Variants in USO1 observed in about 807,000 individuals in gnomAD.
The protein encoded by USO1 is USO1 vesicle transport factor.
USO1 carries 57 observed loss-of-function variants against 124.5 expected under a neutral mutation model. That is an observed-to-expected ratio of 0.46 (90% confidence interval 0.37 to 0.57). USO1 has a LOEUF of 0.57. USO1 is among the 20% of genes least tolerant of loss of function. The probability of loss-of-function intolerance (pLI) is 0.00; values close to 1 mark genes in which losing one functional copy is unlikely to be tolerated. For synonymous variants in USO1, 369 were observed against 362.8 expected (o/e 1.02, Z -0.19); for missense variants, 900 against 1,040.6 (o/e 0.86, Z 1.86).
chr4:75,801,005 T>C, intron 16 of USO1, 74 bp from the exon 17 acceptor site: 2 of 1,409,834 alleles, frequency 1.4e-6, no homozygotes, highest in Non-Finnish European at 1.9e-6. Flanking sequence ...AGGTTATATG[T>C]TTTTACTAAG....
At chr4:75,787,228 C>T in intron 10 of USO1, 26 bp downstream of exon 10, 1 of 1,450,494 alleles carries the variant, frequency 6.9e-7, no homozygotes, top group Non-Finnish European at 9.1e-7. Flanking sequence ...TCAAAGCCAA[C>T]TCTGTGGAAG....
At chr4:75,810,661 C>T (rs1723121460) in intron 22 of USO1, 122 bp downstream of exon 22, 1 of 1,210,464 alleles carries the variant, frequency 8.3e-7, no homozygotes, top group Non-Finnish European at 1.1e-6. Context: ...TTTTATCTCA[C>T]AACATTTTCA....
intron 1 of USO1, among the ~76,000 whole-genome samples, chr4:75,738,103 G>T (rs1720847926): frequency 6.6e-6 from 1 of 151,824 alleles, no homozygotes; most frequent in African/African-American, 2.4e-5. Context: ...AGAGTGCTGG[G>T]ATTATAGGTA....
intron 1 of USO1, among the ~76,000 whole-genome samples, chr4:75,734,546 G>A (rs1720733510): frequency 6.6e-6 from 1 of 151,828 alleles, no homozygotes; most frequent in Non-Finnish European, 1.5e-5. Context: ...AGTTTGAAGT[G>A]GGGTAGTGTG....
chr4:75,767,650 G>C (rs1477552456), intron 4 of USO1: 1 of 283,486 alleles, frequency 3.5e-6, no homozygotes, highest in Non-Finnish European at 7.0e-6. Context: ...AGGCTGAGGC[G>C]AGCGGATCAC....
At chr4:75,780,534 G>A (rs989429481) in intron 8 of USO1, among the ~76,000 whole-genome samples, 2 of 150,222 alleles carry the variant, frequency 1.3e-5, no homozygotes, top group East Asian at 3.9e-4. Context: ...GCCTCCCAAA[G>A]TGCTGGGATT....
chr4:75,807,760 A>G (rs1723037469), intron 20 of USO1, among the ~76,000 whole-genome samples: 1 of 152,166 alleles, frequency 6.6e-6, no homozygotes, highest in African/African-American at 2.4e-5. Flanking sequence ...GTAAATTCTA[A>G]GTAAAAATAA....
At chr4:75,807,865 C>G (rs1486658578) in intron 20 of USO1, among the ~76,000 whole-genome samples, 4 of 151,840 alleles carry the variant, frequency 2.6e-5, no homozygotes, top group African/African-American at 9.7e-5. Context: ...AGTTTATTTA[C>G]TTTTATAAAC....
intron 10 of USO1, among the ~76,000 whole-genome samples, chr4:75,788,260 C>T (rs959137291): frequency 4.0e-5 from 6 of 150,272 alleles, no homozygotes; most frequent in Non-Finnish European, 4.4e-5. Flanking sequence ...CCCCGCCTTC[C>T]GGGTTCGAGC....
chr4:75,805,426 G>C, intron 19 of USO1, 123 bp downstream of exon 19: 3 of 1,349,920 alleles, frequency 2.2e-6, no homozygotes, highest in Admixed American at 3.2e-5. Context: ...TACAGGATGG[G>C]CCAGGCACAG....
chr4:75,733,118 G>A (rs1042584679), intron 1 of USO1, among the ~76,000 whole-genome samples: 6 of 151,222 alleles, frequency 4.0e-5, no homozygotes, highest in Admixed American at 6.6e-5. Flanking sequence ...AATTAGCCGG[G>A]CGTGGTGGCG....
chr4:75,766,038 C>T (rs550228403), intron 4 of USO1, among the ~76,000 whole-genome samples: 6 of 152,052 alleles, frequency 3.9e-5, no homozygotes, highest in Admixed American at 1.3e-4. Context: ...GACTGCTTCC[C>T]GATATAATTC....
At chr4:75,729,738 G>C (rs1404330019) in intron 1 of USO1, among the ~76,000 whole-genome samples, 7 of 152,172 alleles carry the variant, frequency 4.6e-5, no homozygotes, top group Non-Finnish European at 8.8e-5. Flanking sequence ...CTGTTCTCAA[G>C]TTGGACCCCG....
intron 4 of USO1, 30 bp from the exon 5 acceptor site, chr4:75,770,409 A>G: frequency 2.0e-6 from 3 of 1,498,404 alleles, no homozygotes; most frequent in Non-Finnish European, 2.7e-6. Flanking sequence ...CTACTATTAA[A>G]TTGAAATTCT....
chr4:75,770,704 AG>A, intron 5 of USO1, 117 bp from the exon 6 acceptor site: 8 of 1,500,822 alleles, frequency 5.3e-6, no homozygotes, highest in Non-Finnish European at 7.1e-6. Context: ...AATCACTTAA[AG>A]TATGCTAAAC....
At chr4:75,768,544 A>G (rs977749600) in intron 4 of USO1, among the ~76,000 whole-genome samples, 3 of 152,206 alleles carry the variant, frequency 2.0e-5, no homozygotes, top group Non-Finnish European at 2.9e-5. Context: ...TGTAGATTCC[A>G]TAGGATTTTC....
chr4:75,735,904 G>A (rs931629164), intron 1 of USO1, among the ~76,000 whole-genome samples: 1 of 152,034 alleles, frequency 6.6e-6, no homozygotes, highest in African/African-American at 2.4e-5. Context: ...GTGTAGCAAT[G>A]AATATAAATA....
At chr4:75,734,320 AAAGGT>A (rs1165687211) in intron 1 of USO1, among the ~76,000 whole-genome samples, 1 of 152,044 alleles carries the variant, frequency 6.6e-6, no homozygotes, top group Non-Finnish European at 1.5e-5. Context: ...GTATATGGTA[AAAGGT>A]AAGGGCCCAG....
intron 3 of USO1, among the ~76,000 whole-genome samples, chr4:75,755,936 C>T (rs564175865): frequency 2.5e-4 from 38 of 152,092 alleles, no homozygotes; most frequent in Admixed American, 6.5e-4. Flanking sequence ...TTTGGGAAGC[C>T]GAGGTGAGCG....
Sources: gnomAD v4.1 joint callset for allele counts (sites outside exome capture counted in the v4.1 genomes callset) on GRCh38, gnomAD v4.1.1 for gene constraint, MANE v1.5 for transcripts, NCBI Gene and HGNC (gene_info 2026-07-23, HGNC 2026-07-21) for gene names.